Variants in GAS2L1 observed in about 807,000 individuals in gnomAD.
The protein encoded by GAS2L1 is growth arrest specific 2 like 1, also known as GAS2-like protein 1.
Under a neutral mutation model 44.0 loss-of-function variants are expected in GAS2L1, and 26 were observed. The observed-to-expected ratio is 0.59, with a 90% CI of 0.43 to 0.82. The LOEUF (loss-of-function observed/expected upper bound fraction) is 0.82, where lower values mean the gene tolerates loss of function less well. Ranked by LOEUF, GAS2L1 falls within the 40% of genes least tolerant of loss-of-function variation. The probability of loss-of-function intolerance (pLI) is 0.00; values close to 1 mark genes in which losing one functional copy is unlikely to be tolerated. For synonymous variants in GAS2L1, 426 were observed against 415.9 expected (o/e 1.02, Z -0.30); for missense variants, 1,006 against 983.0 (o/e 1.02, Z -0.31).
chr22:29,308,382 G>A lies in GAS2L1; in HGVS notation c.277G>A (p.Val93Met), dbSNP rs2061370238. The A allele has an allele frequency of 3.1e-6, 5 of 1,609,444 alleles. No individual in the cohort carries two copies. The East Asian group carries it at 8.9e-5, about 29-fold the overall frequency. ...TGTGGCCTTCCAGGCGCACAGTGTA[G>A]TGCCTGGCTCCTTCATGGCGCGCGA... Residue 93 changes from valine (V) to methionine (M), a missense_variant, in exon 1 of 5, where the codon GTG becomes ATG. By Grantham distance (21) the Val-to-Met change is conservative (BLOSUM62 1). Transcript: ENST00000618518.
intron 1 of GAS2L1, among the ~76,000 whole-genome samples, chr22:29,310,098 C>T (rs939522358): frequency 5.9e-5 from 9 of 152,036 alleles, no homozygotes; most frequent in East Asian, 1.9e-4. Flanking sequence ...CAAAATTAGC[C>T]GGGAGTGGTG....
At chr22:29,311,983 CGCAGCAGGAGCA>C in exon 5 of GAS2L1, 1 of 1,610,552 alleles carries the variant, frequency 6.2e-7, no homozygotes, top group Non-Finnish European at 8.5e-7. Flanking sequence ...CAGCTCGACC[CGCAGCAGGAGCA>C]GCAGCTGTTC....
At chr22:29,308,794 T>A in intron 1 of GAS2L1, 56 bp downstream of exon 2, 1 of 1,378,442 alleles carries the variant, frequency 7.3e-7, no homozygotes, top group Non-Finnish European at 9.6e-7. Flanking sequence ...GTGCCTGCAA[T>A]CTGTCCCTGA....
exon 5 of GAS2L1, chr22:29,311,694 C>T (rs1168501162): frequency 2.0e-6 from 3 of 1,524,694 alleles, no homozygotes; most frequent in Admixed American, 2.0e-5. Flanking sequence ...CGGCCGGCCC[C>T]GGGGGGCCCC....
exon 5 of GAS2L1, chr22:29,311,489 C>T: frequency 6.7e-7 from 1 of 1,499,010 alleles, no homozygotes; most frequent in Non-Finnish European, 9.0e-7. Flanking sequence ...CCCCCCATCC[C>T]CGCTCCCGCC....
At chr22:29,311,108 G>T in intron 4 of GAS2L1, 110 bp downstream of exon 5, 3 of 1,064,716 alleles carry the variant, frequency 2.8e-6, no homozygotes, top group Non-Finnish European at 2.7e-6. Context: ...CCTGGGAAAA[G>T]TTCCCGTGGG....
chr22:29,308,403 C>A, exon 1 of GAS2L1: 1 of 1,608,492 alleles, frequency 6.2e-7, no homozygotes. Context: ...CTTCATGGCG[C>A]GCGACAACGT....
At position 29,308,542 on chromosome 22, in the gene GAS2L1, G is replaced by A. The variant is rs777169933; in HGVS notation, c.437G>A (p.Arg146His). Residue 146 changes from arginine to histidine, a missense_variant, in exon 1 of 5, where the codon CGT (arginine) becomes CAT (histidine). Transcript: ENST00000618518. ...CTGTGCCTGCTGGAGGTGGCGCGGCGTGGGGCACGCCTGGGCCTGCTGGCC... is the reference window on the plus strand; with the variant it reads ...CTGTGCCTGCTGGAGGTGGCGCGGCATGGGGCACGCCTGGGCCTGCTGGCC... 2.5e-6 allele frequency: 4 copies of A among 1,601,824 alleles called. No homozygotes were observed. The East Asian group carries it at 9.0e-5, about 36-fold the overall frequency.
chr22:29,307,059 T>C (rs920627534), exon 1 of GAS2L1: 3 of 151,842 alleles, frequency 2.0e-5, no homozygotes, highest in African/African-American at 7.3e-5. Flanking sequence ...GCGGGACGCA[T>C]AGAGCTGCGG....
chr22:29,312,450 G>C, exon 5 of GAS2L1: 1 of 1,523,242 alleles, frequency 6.6e-7, no homozygotes, highest in Non-Finnish European at 8.8e-7. Flanking sequence ...GACATGGCAT[G>C]CCCTGCACTC....
At chr22:29,312,108 C>G in exon 5 of GAS2L1, 1 of 1,612,836 alleles carries the variant, frequency 6.2e-7, no homozygotes, top group Non-Finnish European at 8.5e-7. Flanking sequence ...GGCCCCCGAC[C>G]CTCCAGCTCC....
chr22:29,310,302 T>C, intron 1 of GAS2L1, 137 bp from the exon 3 acceptor site: 1 of 634,622 alleles, frequency 1.6e-6, no homozygotes. Context: ...GTGTGGAAGC[T>C]GTACCCCATC....
exon 1 of GAS2L1, chr22:29,307,292 G>A (rs1182866027): frequency 6.6e-6 from 1 of 152,222 alleles, no homozygotes; most frequent in Non-Finnish European, 1.5e-5. Flanking sequence ...TCTGGGCCCA[G>A]AGCCCCAGCA....
chr22:29,312,295 T>C (rs1190987537), exon 5 of GAS2L1: 5 of 1,608,666 alleles, frequency 3.1e-6, no homozygotes, highest in South Asian at 1.1e-5. Flanking sequence ...GGGGGGCCAC[T>C]AGATGCACCT....
chr22:29,309,855 AG>A (rs1201791099), intron 1 of GAS2L1, among the ~76,000 whole-genome samples: 3 of 152,126 alleles, frequency 2.0e-5, no homozygotes, highest in Admixed American at 1.3e-4. Context: ...CCCCAGGTCT[AG>A]GGGCTGTGGG....
rs1267228312 is a variant in GAS2L1 at position 29,310,815 on chromosome 22, C to G, written c.839-12C>G. ...CTGTCCCTCACATGCTGCCTGTCCT[C>G]TCTCCCCGCAGCTCATCGCCCACCC... On this transcript the variant is annotated splice_polypyrimidine_tract_variant and intron_variant, in intron 3 of 4. Coordinates refer to ENST00000618518, the Ensembl canonical transcript of GAS2L1. 4 of 1,607,522 alleles carry G rather than the reference C, an allele frequency of 2.5e-6. No individual in the cohort carries two copies. The African/African-American group carries it at 4.0e-5, about 16-fold the overall frequency.
At chr22:29,311,941 C>T in exon 5 of GAS2L1, 1 of 1,605,850 alleles carries the variant, frequency 6.2e-7, no homozygotes, top group South Asian at 1.1e-5. Context: ...GAGTTGGGCA[C>T]CACACCGGCC....
exon 1 of GAS2L1, chr22:29,307,785 G>C (rs1400935193): frequency 1.3e-5 from 3 of 229,182 alleles, no homozygotes; most frequent in African/African-American, 2.3e-5. Flanking sequence ...CAATGGGCGC[G>C]CCTCCCTGCC....
chr22:29,310,806 G>T, intron 3 of GAS2L1, 21 bp from the exon 5 acceptor site: 1 of 1,607,260 alleles, frequency 6.2e-7, no homozygotes, highest in East Asian at 2.2e-5. Context: ...CTCACATGCT[G>T]CCTGTCCTCT....
Sources: allele counts gnomAD v4.1 joint callset (sites outside exome capture counted in the v4.1 genomes callset), GRCh38; gene constraint gnomAD v4.1.1; transcripts MANE v1.5; gene names NCBI Gene and HGNC (gene_info 2026-07-23, HGNC 2026-07-21).